Variants in TRIM45 observed in about 807,000 individuals in gnomAD.
TRIM45 encodes the protein E3 ubiquitin-protein ligase TRIM45.
Under a neutral mutation model 46.7 loss-of-function variants are expected in TRIM45, and 45 were observed. The ratio of observed to expected loss-of-function variants is 0.96; its 90% CI spans 0.76 to 1.24. The LOEUF is 1.24. Among genes scored for constraint, TRIM45 ranks in the 50% most tolerant of loss-of-function variants. The pLI, the probability that TRIM45 is intolerant of heterozygous loss-of-function variation, is 0.00. For missense variants in TRIM45, 680 were observed against 728.4 expected (o/e 0.93, Z 0.77); for synonymous variants, 259 against 285.8 (o/e 0.91, Z 0.94).
chr1:117,115,665 A>G lies in TRIM45; in HGVS notation c.1377T>C (p.Asp459=). The G allele has an allele frequency of 6.2e-7, 1 of 1,614,022 alleles. No individual in the cohort carries two copies. The change falls in exon 4 of 6, where the codon GAT becomes GAC. Residue 459 remains aspartate, a synonymous_variant. Transcript: ENST00000256649. The surrounding 1 kb of genome is among the most constrained non-coding windows in gnomAD (Gnocchi z 4.2). ...AAATGTAGTATGTCCCATCCTTGTTATCCTGGACCATTGTTCTGACTGGGC... is the reference window on the plus strand; with the variant it reads ...AAATGTAGTATGTCCCATCCTTGTTGTCCTGGACCATTGTTCTGACTGGGC... ...KDSPVRTMVQ[D]NKDGTYYISY... is the part of the protein sequence containing the mutation.
chr1:117,121,711 T>G lies in TRIM45; in HGVS notation c.-510A>C, dbSNP rs572828635. The G allele has an allele frequency of 1.0e-4, 58 of 575,406 alleles. 1 individual carries two copies. Among genetic ancestry groups the G allele is most frequent in the Middle Eastern group, 6.4e-4 (2 of 3,142 alleles). 35.6% of individuals were successfully genotyped at this position (575,406 alleles called of 1,614,324 possible). The stretch of plus-strand genomic sequence containing the variant: ...GGCGGGCTTCTCGGTGTCCACCGCC[T>G]CTCCCGCGCCTCGGCCCGGGACGCC... On this transcript the variant is annotated 5_prime_UTR_variant, in exon 1 of 6. Transcript: ENST00000256649. The surrounding 1 kb of genome is among the most constrained non-coding windows in gnomAD (Gnocchi z 4.2).
rs377089736 is a variant in TRIM45, at chr1:117,121,103, C to T, written c.99G>A (p.Leu33=). 6.2e-7 allele frequency: 1 copy of T among 1,613,914 alleles called. No homozygotes were observed. The highest frequency in any genetic ancestry group is 8.5e-7 in the Non-Finnish European group (1 of 1,179,936). ...NSGKTHCPLC[L]GLFKAPRLLP... The stretch of plus-strand genomic sequence containing the variant: ...AGAGCCTGGGGGCTTTGAAAAGCCC[C>T]AAGCACAGGGGGCAGTGAGTCTTGC... Residue 33 remains leucine, a synonymous_variant, in exon 1 of 6, where the codon TTG becomes TTA. Transcript: ENST00000256649. The surrounding 1 kb of genome is among the most constrained non-coding windows in gnomAD (Gnocchi z 4.2).
In TRIM45 at chr1:117,118,210, AC is replaced by A; in HGVS notation, c.1045del (p.Val349TrpfsTer3). The A allele has an allele frequency of 6.2e-7, 1 of 1,613,568 alleles. No homozygotes were observed. Among genetic ancestry groups the A allele is most frequent in the Non-Finnish European group, 8.5e-7 (1 of 1,179,896 alleles). ...CAGCTTCCTGAGCCGTTCTACCACC[AC>A]CCTCTTGGTGATGAGGATCTCCAAG... ...SDLEILITKR[V>X]VVERLRKLNK... is the part of the protein sequence containing the mutation. On this transcript the variant is annotated frameshift_variant, in exon 2 of 6. Coordinates refer to ENST00000256649, the MANE Select transcript of TRIM45 (RefSeq NM_025188.4). LOFTEE classifies it high-confidence loss of function. The surrounding 1 kb of genome is among the most constrained non-coding windows in gnomAD (Gnocchi z 5.7).
rs113129701 is a variant in TRIM45 at position 117,115,552 on chromosome 1, G to A, written c.1467+23C>T. 1 of 1,550,052 alleles carries A rather than the reference G, an allele frequency of 6.5e-7. No individual in the cohort carries two copies. Among genetic ancestry groups the A allele is most frequent in the African/African-American group, 1.4e-5 (1 of 73,762 alleles). ...AGACAGTAGAATCCAGGGAGCTCAGGGAAGCACGTGCACCAGTCTTACCTG... is the reference window on the plus strand; with the variant it reads ...AGACAGTAGAATCCAGGGAGCTCAGAGAAGCACGTGCACCAGTCTTACCTG... On this transcript the variant is annotated intron_variant, in intron 4 of 5. Transcript: ENST00000256649. The surrounding 1 kb of genome is among the most constrained non-coding windows in gnomAD (Gnocchi z 4.2).
Position 117,120,936 on chromosome 1 carries a change from T to G in TRIM45, c.266A>C (p.Gln89Pro), listed in dbSNP as rs745327525. Residue 89 changes from glutamine (Q) to proline (P), a missense_variant, in exon 1 of 6, where the codon CAG becomes CCG. Transcript: ENST00000256649. Reference protein sequence around the residue: ...QELKPRSLQSQIGILCPVCDA... With the variant: ...QELKPRSLQSPIGILCPVCDA... The stretch of plus-strand genomic sequence containing the variant: ...ACATACAGGACAAAGGATGCCGATC[T>G]GCGACTGCAGACTTCGTGGCTTGAG... The G allele has an allele frequency of 6.2e-7, 1 of 1,614,220 alleles. No homozygotes were observed. The highest frequency in any genetic ancestry group is 8.5e-7 in the Non-Finnish European group (1 of 1,180,036).
chr1:117,113,167 C>T lies in TRIM45; in HGVS notation c.1594+192G>A, dbSNP rs1230551857. ...CTAACAGAACTGAGAGCTTTTAAGTCTGCTATTTCAATTCAGAACAAGGAA... is the reference window on the plus strand; with the variant it reads ...CTAACAGAACTGAGAGCTTTTAAGTTTGCTATTTCAATTCAGAACAAGGAA... On this transcript the variant is annotated intron_variant, in intron 5 of 5. Transcript: ENST00000256649. This position sits in a 1 kb window ranked among gnomAD's most constrained non-coding sequence, Gnocchi z 4.0. Among the ~76,000 whole-genome samples the T allele has an allele frequency of 1.3e-5, 2 of 152,232 alleles. No homozygotes were observed. The highest frequency in any genetic ancestry group is 4.8e-5 in the African/African-American group (2 of 41,460).
chr1:117,120,734 G>A lies in TRIM45; in HGVS notation c.468C>T (p.His156=). 2 of 1,609,304 alleles carry A rather than the reference G, an allele frequency of 1.2e-6. No individual in the cohort carries two copies. The highest frequency in any genetic ancestry group is 1.7e-6 in the Non-Finnish European group (2 of 1,176,942). ...TTTACCTATGAGCCTGGCAGCAGAA[G>A]TGGCAGAGGTTGGCTTTGCAGGTCT... is the stretch of plus-strand genomic sequence containing the variant. ...RCQTCKANLC[H]FCCQAHRRQK... The change falls in exon 1 of 6, where the codon CAC becomes CAT. Residue 156 remains histidine, a synonymous_variant. Transcript: ENST00000256649.
Position 117,118,287 on chromosome 1 carries a change from G to C in TRIM45, c.969C>G (p.Asp323Glu). ...QKAQLEQLLA[D>E]MRTGVEFTEH... ...CGGTGAACTCCACTCCAGTCCGCAT[G>C]TCTGCCAGTAACTGTTCCAGCTGGG... The change falls in exon 2 of 6, where the codon GAC becomes GAG. Residue 323 changes from aspartate (D) to glutamate (E), a missense_variant. Coordinates refer to ENST00000256649, the MANE Select transcript of TRIM45 (RefSeq NM_025188.4). The surrounding 1 kb of genome is among the most constrained non-coding windows in gnomAD (Gnocchi z 5.7). 6.2e-7 allele frequency: 1 copy of C among 1,614,216 alleles called. No homozygotes were observed. The highest frequency in any genetic ancestry group is 1.1e-5 in the South Asian group (1 of 91,080).
In TRIM45 at chr1:117,118,307, G is replaced by A; in HGVS notation, c.949C>T (p.Leu317=). The change falls in exon 2 of 6, where the codon CTG becomes TTG. Residue 317 remains leucine, a synonymous_variant. Coordinates refer to ENST00000256649, the MANE Select transcript of TRIM45 (RefSeq NM_025188.4). The surrounding 1 kb of genome is among the most constrained non-coding windows in gnomAD (Gnocchi z 5.7). ...CGCATGTCTGCCAGTAACTGTTCCA[G>A]CTGGGCCTTCTGCAGCTGCAGGGAA... The part of the protein sequence containing the change: ...ENSLQLQKAQ[L]EQLLADMRTG... The A allele has an allele frequency of 1.9e-6, 3 of 1,614,196 alleles. No individual in the cohort carries two copies. Among genetic ancestry groups the A allele is most frequent in the Non-Finnish European group, 1.7e-6 (2 of 1,180,030 alleles).
chr1:117,114,575 C>T (rs1004975207), intron 4 of TRIM45, among the ~76,000 whole-genome samples: 1 of 152,232 alleles, frequency 6.6e-6, no homozygotes, highest in South Asian at 2.1e-4. Context: ...TGTTAAATTT[C>T]CCATCTTAAA....
At chr1:117,123,209 T>G (rs1650729768), upstream of TRIM45, among the ~76,000 whole-genome samples, 1 of 152,256 alleles carries the variant, frequency 6.6e-6, no homozygotes, top group African/African-American at 2.4e-5. Flanking sequence ...CTAGATTTTT[T>G]TCAGCCTCTT....
Position 117,121,455 on chromosome 1 carries a change from G to T in TRIM45, c.-254C>A. On this transcript the variant is annotated 5_prime_UTR_variant, in exon 1 of 6. Transcript: ENST00000256649. The surrounding 1 kb of genome is among the most constrained non-coding windows in gnomAD (Gnocchi z 4.2). ...ACACGCCCACGCCCTCCTCTGCCCC[G>T]CAAGTCCTCCCCGGATGCGCTTCCA... is the stretch of plus-strand genomic sequence containing the variant. The T allele has an allele frequency of 1.9e-6, 1 of 516,388 alleles. No individual in the cohort carries two copies. The highest frequency in any genetic ancestry group is 3.4e-6 in the Non-Finnish European group (1 of 295,096). The allele number at this position is 516,388 out of a possible 1,614,324, so 32.0% of individuals were successfully genotyped here.
chr1:117,120,665 CT>C (rs1650582661), intron 1 of TRIM45, 48 bp downstream of exon 1: 2 of 1,537,660 alleles, frequency 1.3e-6, no homozygotes, highest in African/African-American at 2.8e-5. Flanking sequence ...CTTGACACCT[CT>C]TTGTAATCTG....
chr1:117,114,486 T>C (rs923646411), intron 4 of TRIM45, among the ~76,000 whole-genome samples: 3 of 152,218 alleles, frequency 2.0e-5, no homozygotes, highest in Non-Finnish European at 4.4e-5. Context: ...TAAGTTGCAA[T>C]GTGCCTATCC....
rs923365023 is a variant in TRIM45, at chr1:117,117,862, A to C, written c.1222+172T>G. On this transcript the variant is annotated intron_variant, in intron 2 of 5. Coordinates refer to ENST00000256649, the MANE Select transcript of TRIM45 (RefSeq NM_025188.4). This position sits in a 1 kb window ranked among gnomAD's most constrained non-coding sequence, Gnocchi z 4.9. ...CCTGTATTAACTGTACCCTAGCCAG[A>C]ACAAACCAGAAAGGGCAAAGGTGGG... Among the ~76,000 whole-genome samples the C allele has an allele frequency of 3.9e-5, 6 of 152,208 alleles. No individual in the cohort carries two copies. Among genetic ancestry groups the C allele is most frequent in the African/African-American group, 1.4e-4 (6 of 41,464 alleles).
At chr1:117,112,974 T>C (rs933910013) in intron 5 of TRIM45, among the ~76,000 whole-genome samples, 3 of 152,136 alleles carry the variant, frequency 2.0e-5, no homozygotes, top group Non-Finnish European at 2.9e-5. Flanking sequence ...CCTTGTTCAA[T>C]TGGTTTAATC....
chr1:117,119,720 G>A (rs939365980), intron 1 of TRIM45, among the ~76,000 whole-genome samples: 1 of 152,148 alleles, frequency 6.6e-6, no homozygotes. Flanking sequence ...GAAATCCTTA[G>A]GAAAACATGG....
Position 117,118,818 on chromosome 1 carries a change from G to A in TRIM45, c.489-51C>T, listed in dbSNP as rs770399576. ...GGAAATAAGGGGATAATTCTGTTGG[G>A]AATAGTTGGGCAGAGAGATTTTAGG... On this transcript the variant is annotated intron_variant, in intron 1 of 5. Transcript: ENST00000256649. The surrounding 1 kb of genome is among the most constrained non-coding windows in gnomAD (Gnocchi z 5.7). 1 of 1,560,128 alleles carries A rather than the reference G, an allele frequency of 6.4e-7. No homozygotes were observed. The highest frequency in any genetic ancestry group is 8.7e-7 in the Non-Finnish European group (1 of 1,153,516).
chr1:117,121,787 G>A (rs573609993), upstream of TRIM45: 48 of 707,242 alleles, frequency 6.8e-5, no homozygotes, highest in East Asian at 2.8e-4. The surrounding 1 kb of genome is among the most constrained non-coding windows in gnomAD (Gnocchi z 4.2). Flanking sequence ...CTACTCCGGC[G>A]AGTCCAATCA....
Sources: allele counts gnomAD v4.1 joint callset (sites outside exome capture counted in the v4.1 genomes callset), GRCh38; gene constraint gnomAD v4.1.1; non-coding constraint Gnocchi (gnomAD v3.1); transcripts MANE v1.5; gene names NCBI Gene and HGNC (gene_info 2026-07-23, HGNC 2026-07-21).